Variants in ZNF827 observed in about 807,000 individuals in gnomAD.
ZNF827 encodes zinc finger protein 827.
ZNF827 carries 13 observed loss-of-function variants against 102.4 expected under a neutral mutation model. The ratio of observed to expected loss-of-function variants is 0.13; its 90% CI spans 0.08 to 0.20. The LOEUF (loss-of-function observed/expected upper bound fraction) is 0.20, where lower values mean the gene tolerates loss of function less well. Ranked by LOEUF, ZNF827 falls within the 10% of genes least tolerant of loss-of-function variation. The probability of loss-of-function intolerance (pLI) is 1.00; values close to 1 mark genes in which losing one functional copy is unlikely to be tolerated. For missense variants in ZNF827, 1,103 were observed against 1,344.4 expected (o/e 0.82, Z 2.81); for synonymous variants, 523 against 536.2 (o/e 0.98, Z 0.34).
rs1561059530 is a variant in ZNF827, at chr4:145,902,337, A to G, written c.922T>C (p.Ser308Pro). ...GGTAGAGGGTCCTCAGGCAGCAGCG[A>G]TGATTTCTCAGCCAGAAGACTGCCC... is the stretch of plus-strand genomic sequence containing the variant. ...AAGSLLAEKS[S>P]LLPEDPLPPP... Residue 308 changes from serine to proline, a missense_variant, in exon 2 of 15, where the codon TCG (serine) becomes CCG (proline). This residue lies in a region of ZNF827 where 441 missense variants were observed against 458.6 expected (regional missense o/e 0.96). Coordinates refer to ENST00000508784, the MANE Select transcript of ZNF827 (RefSeq NM_001306215.2). This position sits in a 1 kb window ranked among gnomAD's most constrained non-coding sequence, Gnocchi z 4.3. The G allele has an allele frequency of 1.2e-6, 2 of 1,605,506 alleles. No homozygotes were observed. The highest frequency in any genetic ancestry group is 1.3e-5 in the African/African-American group (1 of 74,512).
chr4:145,807,352 G>A (rs1478157292), intron 8 of ZNF827, among the ~76,000 whole-genome samples: 1 of 152,144 alleles, frequency 6.6e-6, no homozygotes, highest in Non-Finnish European at 1.5e-5. Context: ...AGTGTTTCAT[G>A]CTCATTATAG....
At chr4:145,824,549 C>T (rs1388249543) in intron 7 of ZNF827, among the ~76,000 whole-genome samples, 3 of 152,132 alleles carry the variant, frequency 2.0e-5, no homozygotes, top group Non-Finnish European at 4.4e-5. Flanking sequence ...AAATGGAGCC[C>T]AGGTCATGGG....
At chr4:145,888,246 G>A (rs892693934) in intron 3 of ZNF827, among the ~76,000 whole-genome samples, 2 of 152,200 alleles carry the variant, frequency 1.3e-5, no homozygotes, top group African/African-American at 4.8e-5. Flanking sequence ...GCCTTTGAGA[G>A]AAGTATTAGC....
At chr4:145,918,629 G>C (rs949417824) in intron 1 of ZNF827, among the ~76,000 whole-genome samples, 3 of 152,202 alleles carry the variant, frequency 2.0e-5, no homozygotes, top group South Asian at 2.1e-4. Flanking sequence ...ATAAAATAAG[G>C]GGTTAGGATG....
At chr4:145,927,588 C>T (rs1471429882) in intron 1 of ZNF827, among the ~76,000 whole-genome samples, 6 of 152,142 alleles carry the variant, frequency 3.9e-5, no homozygotes, top group Non-Finnish European at 8.8e-5. Flanking sequence ...AAGGGGTTCT[C>T]CTGTAGTGGA....
chr4:145,934,801 T>C (rs759242904), intron 1 of ZNF827, among the ~76,000 whole-genome samples: 2 of 152,224 alleles, frequency 1.3e-5, no homozygotes, highest in Non-Finnish European at 2.9e-5. Context: ...CAATGCTTTA[T>C]GCTGTAGAAT....
At chr4:145,781,977 C>T (rs1738125924) in intron 8 of ZNF827, among the ~76,000 whole-genome samples, 1 of 152,210 alleles carries the variant, frequency 6.6e-6, no homozygotes, top group Non-Finnish European at 1.5e-5. Context: ...CATGAACTGT[C>T]TGATTCCGTC....
rs1212261669 is a variant in ZNF827, at chr4:145,765,413, T to C, written c.3052+134A>G. On this transcript the variant is annotated intron_variant, in intron 12 of 14. Coordinates refer to ENST00000508784, the MANE Select transcript of ZNF827 (RefSeq NM_001306215.2). The surrounding 1 kb of genome is among the most constrained non-coding windows in gnomAD (Gnocchi z 4.7). ...ATTAAGCCAAAAGAAATACAACCTT[T>C]AGGTGAGGCCCAGCATACTGCATCC... The C allele has an allele frequency of 3.5e-6, 4 of 1,143,964 alleles. No homozygotes were observed. Among genetic ancestry groups the C allele is most frequent in the African/African-American group, 1.6e-5 (1 of 63,964 alleles). The allele number at this position is 1,143,964 out of a possible 1,614,324, so 70.9% of individuals were successfully genotyped here. A position where few individuals can be genotyped will look rare whatever the true frequency, so the allele number is the denominator to read the frequency against.
At chr4:145,815,284 T>C (rs1377549343) in intron 8 of ZNF827, among the ~76,000 whole-genome samples, 1 of 152,204 alleles carries the variant, frequency 6.6e-6, no homozygotes, top group East Asian at 1.9e-4. Context: ...ATGCAAACAC[T>C]GGCCACACTT....
At chr4:145,821,320 T>C (rs1246517201) in intron 8 of ZNF827, among the ~76,000 whole-genome samples, 1 of 152,226 alleles carries the variant, frequency 6.6e-6, no homozygotes, top group Non-Finnish European at 1.5e-5. Context: ...TATTTATCCA[T>C]GGCCATTTAT....
intron 1 of ZNF827, among the ~76,000 whole-genome samples, chr4:145,922,879 A>C (rs888102408): frequency 6.6e-6 from 1 of 152,266 alleles, no homozygotes; most frequent in Admixed American, 6.5e-5. Context: ...CAAGCTTTCA[A>C]ACAAGAATTA....
intron 8 of ZNF827, among the ~76,000 whole-genome samples, chr4:145,812,655 G>A (rs2126408346): frequency 6.6e-6 from 1 of 152,234 alleles, no homozygotes; most frequent in South Asian, 2.1e-4. Context: ...AGCCTCCTGG[G>A]TAGGTGGGAC....
intron 1 of ZNF827, among the ~76,000 whole-genome samples, chr4:145,937,709 GCCGCCTCCTCCACCT>G (rs920739518): frequency 1.1e-4 from 8 of 73,414 alleles, no homozygotes; most frequent in African/African-American, 2.6e-4. Context: ...CTCCTCCGCC[GCCGCCTCCTCCACCT>G]CCGCCTCCTC....
chr4:145,793,290 T>A (rs377735308), intron 8 of ZNF827, among the ~76,000 whole-genome samples: 4 of 2,478 alleles, frequency 1.6e-3, no homozygotes, highest in African/African-American at 4.4e-3. Flanking sequence ...AATATATATA[T>A]GATATATATC....
At chr4:145,877,840 A>G (rs144124175) in intron 4 of ZNF827, among the ~76,000 whole-genome samples, 131 of 152,362 alleles carry the variant, frequency 8.6e-4, no homozygotes, top group Middle Eastern at 3.4e-3. Context: ...CGTCAAAAGC[A>G]GGAAGGACAG....
intron 1 of ZNF827, among the ~76,000 whole-genome samples, chr4:145,907,903 ATT>A (rs1185001480): frequency 6.6e-6 from 1 of 152,226 alleles, no homozygotes; most frequent in South Asian, 2.1e-4. Context: ...TGCTGAATAA[ATT>A]TTGTTTCCAT....
rs533284856 is a variant in ZNF827, at chr4:145,844,279, A to C, written c.2279+1677T>G. ...CATTTCCCAATACAATCTGCAGTCC[A>C]TCTTCCTACTCTCATTTTCTCTCTG... On this transcript the variant is annotated intron_variant, in intron 7 of 14. Coordinates refer to ENST00000508784, the MANE Select transcript of ZNF827 (RefSeq NM_001306215.2). Among the ~76,000 whole-genome samples, 4 of 152,074 alleles carry C rather than the reference A, an allele frequency of 2.6e-5. No individual in the cohort carries two copies. The East Asian group carries it at 7.8e-4, about 30-fold the overall frequency.
intron 7 of ZNF827, among the ~76,000 whole-genome samples, chr4:145,833,731 C>T (rs1744511290): frequency 6.6e-6 from 1 of 151,550 alleles, no homozygotes; most frequent in Admixed American, 6.6e-5. Flanking sequence ...GTGCCCCAAC[C>T]TCTTATATCT....
At chr4:145,823,866 A>G (rs145882359) in intron 7 of ZNF827, among the ~76,000 whole-genome samples, 59 of 152,290 alleles carry the variant, frequency 3.9e-4, no homozygotes, top group African/African-American at 1.3e-3. Flanking sequence ...CTGGGTCAGA[A>G]TCAGAAAGGG....
Sources: allele counts gnomAD v4.1 joint callset (sites outside exome capture counted in the v4.1 genomes callset), GRCh38; gene constraint gnomAD v4.1.1; regional missense constraint gnomAD v4.1.1; non-coding constraint Gnocchi (gnomAD v3.1); transcripts MANE v1.5; gene names NCBI Gene and HGNC (gene_info 2026-07-23, HGNC 2026-07-21).